SCAND3: variants seen among roughly 807,000 people sequenced by gnomAD.
SCAND3 encodes SCAN domain containing 3, also known as SCAN domain-containing protein 3.
At chr6:28,612,736 A>G in the SCAND3 span, among the ~76,000 whole-genome samples, 1 of 152,240 alleles carries the variant, frequency 6.6e-6, no homozygotes, top group Non-Finnish European at 1.5e-5. Flanking sequence ...TTTGTCCACT[A>G]TATACATAGT....
the SCAND3 span, among the ~76,000 whole-genome samples, chr6:28,578,232 A>C: frequency 6.6e-6 from 1 of 152,080 alleles, no homozygotes; most frequent in African/African-American, 2.4e-5. Flanking sequence ...GCCTCATTTA[A>C]CTCTCAATTG....
the SCAND3 span, among the ~76,000 whole-genome samples, chr6:28,580,231 A>C: frequency 6.6e-6 from 1 of 152,136 alleles, no homozygotes; most frequent in South Asian, 2.1e-4. Context: ...AGGTGGATGC[A>C]TCACCTGAGG....
chr6:28,575,917 G>C, the SCAND3 span: 15 of 1,613,708 alleles, frequency 9.3e-6, no homozygotes, highest in Non-Finnish European at 1.1e-5. This position sits in a 1 kb window ranked among gnomAD's most constrained non-coding sequence, Gnocchi z 4.2. Context: ...TTCCTTTTTC[G>C]CCTTAGCTTT....
At chr6:28,592,774 T>C in the SCAND3 span, among the ~76,000 whole-genome samples, 2 of 152,312 alleles carry the variant, frequency 1.3e-5, no homozygotes, top group East Asian at 1.9e-4. The surrounding 1 kb of genome is among the most constrained non-coding windows in gnomAD (Gnocchi z 4.1). Context: ...CATGTATTTA[T>C]TGTCGATTGA....
the SCAND3 span, among the ~76,000 whole-genome samples, chr6:28,611,884 A>G: frequency 1.3e-5 from 2 of 152,244 alleles, no homozygotes; most frequent in African/African-American, 4.8e-5. Context: ...CTATAATTTA[A>G]AAGTGTCTTC....
the SCAND3 span, among the ~76,000 whole-genome samples, chr6:28,610,447 T>C: frequency 2.0e-5 from 3 of 151,886 alleles, no homozygotes; most frequent in African/African-American, 7.3e-5. Flanking sequence ...TGCTTGAACC[T>C]GGGAGGTGGA....
the SCAND3 span, among the ~76,000 whole-genome samples, chr6:28,577,615 C>G: frequency 6.6e-6 from 1 of 152,260 alleles, no homozygotes; most frequent in South Asian, 2.1e-4. Flanking sequence ...ACATATATCC[C>G]TAAGTTGTTT....
chr6:28,593,671 G>A, the SCAND3 span: 5 of 151,954 alleles, frequency 3.3e-5, no homozygotes, highest in Admixed American at 6.6e-5. Context: ...ACGAGACTTC[G>A]TCTCAAAAAA....
the SCAND3 span, among the ~76,000 whole-genome samples, chr6:28,598,246 T>C: frequency 6.6e-6 from 1 of 152,160 alleles, no homozygotes; most frequent in Admixed American, 6.5e-5. Flanking sequence ...AAGCGGACTT[T>C]GGCAATTTCA....
chr6:28,613,328 T>C, the SCAND3 span, among the ~76,000 whole-genome samples: 1 of 152,202 alleles, frequency 6.6e-6, no homozygotes, highest in Non-Finnish European at 1.5e-5. Flanking sequence ...GTATTTCCCA[T>C]CAGTCTTTAA....
chr6:28,615,532 G>A, the SCAND3 span, among the ~76,000 whole-genome samples: 1 of 148,788 alleles, frequency 6.7e-6, no homozygotes, highest in Non-Finnish European at 1.5e-5. Flanking sequence ...AGAATCACTT[G>A]TACGTGGGAA....
chr6:28,580,441 CA>C, the SCAND3 span, among the ~76,000 whole-genome samples: 27,128 of 124,754 alleles, frequency 0.22, 2,422 homozygotes, highest in South Asian at 0.24. Context: ...GACTCCGTCT[CA>C]AAAAAAAAAA....
At chr6:28,585,566 C>G in the SCAND3 span, among the ~76,000 whole-genome samples, 2 of 152,174 alleles carry the variant, frequency 1.3e-5, no homozygotes, top group Admixed American at 1.3e-4. Flanking sequence ...TGACTCATTT[C>G]TGGCATACTG....
chr6:28,610,530 G>A, the SCAND3 span, among the ~76,000 whole-genome samples: 6,177 of 151,846 alleles, frequency 0.041, 184 homozygotes, highest in Non-Finnish European at 0.063. Context: ...AAAAAAGAAA[G>A]AAAGAGAGAG....
the SCAND3 span, among the ~76,000 whole-genome samples, chr6:28,588,440 C>G: frequency 1.6e-4 from 25 of 152,074 alleles, no homozygotes; most frequent in Non-Finnish European, 7.3e-5. The surrounding 1 kb of genome is among the most constrained non-coding windows in gnomAD (Gnocchi z 4.1). Context: ...TGTAGATTTG[C>G]ATTTGTTAAT....
chr6:28,595,985 G>C, the SCAND3 span, among the ~76,000 whole-genome samples: 1 of 152,136 alleles, frequency 6.6e-6, no homozygotes, highest in Non-Finnish European at 1.5e-5. Context: ...AGAGGAACAA[G>C]AATTTTAGTC....
the SCAND3 span, among the ~76,000 whole-genome samples, chr6:28,582,406 T>C: frequency 6.6e-6 from 1 of 152,090 alleles, no homozygotes; most frequent in Non-Finnish European, 1.5e-5. The surrounding 1 kb of genome is among the most constrained non-coding windows in gnomAD (Gnocchi z 4.8). Context: ...GGAAAAAAAC[T>C]ACAGTATTTG....
At chr6:28,589,396 G>T in the SCAND3 span, 1 of 152,004 alleles carries the variant, frequency 6.6e-6, no homozygotes, top group Non-Finnish European at 1.5e-5. Flanking sequence ...TGGTGTAATG[G>T]TTAGCACTCT....
At chr6:28,571,925 G>A in the SCAND3 span, 1 of 1,613,032 alleles carries the variant, frequency 6.2e-7, no homozygotes, top group African/African-American at 1.3e-5. Context: ...TGTGATAAGT[G>A]AGCTTGCTTC....
Sources: gnomAD v4.1 joint callset for allele counts (sites outside exome capture counted in the v4.1 genomes callset) on GRCh38, gnomAD v4.1.1 for gene constraint, Gnocchi (gnomAD v3.1) non-coding constraint, MANE v1.5 for transcripts, NCBI Gene and HGNC (gene_info 2026-07-23, HGNC 2026-07-21) for gene names.